STXBP5L: variants seen among roughly 807,000 people sequenced by gnomAD.
The protein encoded by STXBP5L is syntaxin binding protein 5L, also known as syntaxin-binding protein 5-like.
STXBP5L carries 65 observed loss-of-function variants against 144.5 expected under a neutral mutation model. That is an observed-to-expected ratio of 0.45 (90% CI 0.37 to 0.55). STXBP5L has a LOEUF of 0.55. STXBP5L is among the 20% of genes least tolerant of loss of function. The pLI is 0.00. For missense variants in STXBP5L, 1,298 were observed against 1,405.5 expected, an observed-to-expected ratio of 0.92 and a Z score of 1.22; for synonymous variants, 505 against 469.6, an observed-to-expected ratio of 1.08 and a Z score of -0.97.
In STXBP5L at chr3:121,018,615, C is replaced by A. The variant is rs143711830; in HGVS notation, c.288-23085C>A. On this transcript the variant is annotated intron_variant, in intron 3 of 26. Coordinates refer to ENST00000471454, the MANE Select transcript of STXBP5L (RefSeq NM_001308330.2). ...GGATCATAGGCTTAAATGTAAAACACAAAATTATAAAACTCTTAGAAGATA... is the reference window on the plus strand; with the variant it reads ...GGATCATAGGCTTAAATGTAAAACAAAAAATTATAAAACTCTTAGAAGATA... Among the ~76,000 whole-genome samples, 6 of 148,420 alleles carry A rather than the reference C, an allele frequency of 4.0e-5. No individual in the cohort carries two copies. The East Asian group carries it at 1.2e-3, about 29-fold the overall frequency.
intron 9 of STXBP5L, among the ~76,000 whole-genome samples, chr3:121,166,894 T>C (rs1249158432): frequency 1.3e-5 from 2 of 152,080 alleles, no homozygotes; most frequent in Non-Finnish European, 2.9e-5. Context: ...GATAAGGCAA[T>C]TGTGGAAATA....
intron 9 of STXBP5L, among the ~76,000 whole-genome samples, chr3:121,190,590 C>T (rs546998990): frequency 1.9e-3 from 291 of 152,314 alleles, no homozygotes; most frequent in Non-Finnish European, 3.2e-3. Flanking sequence ...GATGGGGTGG[C>T]GGCCGGGCAC....
At chr3:121,054,333 A>T (rs151051888) in intron 5 of STXBP5L, among the ~76,000 whole-genome samples, 1,698 of 152,236 alleles carry the variant, frequency 0.011, 48 homozygotes, top group South Asian at 0.07. Flanking sequence ...AAAGACTTGG[A>T]ACCAACCCAA....
chr3:121,258,983 A>T, intron 17 of STXBP5L, 60 bp from the exon 18 acceptor site: 1 of 1,455,742 alleles, frequency 6.9e-7, no homozygotes, highest in East Asian at 2.5e-5. Context: ...TAAATTCTCA[A>T]GATAAGTTTG....
chr3:121,067,252 T>G (rs2041593316), intron 5 of STXBP5L, among the ~76,000 whole-genome samples: 1 of 152,136 alleles, frequency 6.6e-6, no homozygotes, highest in Admixed American at 6.5e-5. Context: ...TTTCAATATT[T>G]TTTCTTCTTT....
At chr3:121,189,828 T>A (rs1232524129) in intron 9 of STXBP5L, among the ~76,000 whole-genome samples, 3 of 152,190 alleles carry the variant, frequency 2.0e-5, no homozygotes, top group African/African-American at 7.2e-5. Flanking sequence ...TGCGTGTGAA[T>A]AAAATGACCA....
chr3:121,253,957 A>G (rs1301861555), intron 15 of STXBP5L, among the ~76,000 whole-genome samples: 1 of 151,758 alleles, frequency 6.6e-6, no homozygotes, highest in Non-Finnish European at 1.5e-5. Flanking sequence ...CCGGCCGCAA[A>G]TTAATATTCT....
chr3:121,411,733 A>G lies in STXBP5L; in HGVS notation c.2949-1425A>G, dbSNP rs112410076. Among the ~76,000 whole-genome samples, 323 of 152,246 alleles carry G rather than the reference A, an allele frequency of 2.1e-3. 4 individuals carry two copies. The highest frequency in any genetic ancestry group is 3.4e-3 in the Middle Eastern group (1 of 294). On this transcript the variant is annotated intron_variant, in intron 23 of 26. Transcript: ENST00000471454. ...GTCATGCCTCCAGTGCAGTTGCCCT[A>G]AGTTATGGGTAATTTTCATTTCCTG... is the stretch of plus-strand genomic sequence containing the variant.
At chr3:121,320,739 T>C (rs1405022922) in intron 20 of STXBP5L, among the ~76,000 whole-genome samples, 2 of 150,144 alleles carry the variant, frequency 1.3e-5, no homozygotes, top group African/African-American at 4.9e-5. Flanking sequence ...TCTTGCTCTG[T>C]CACCCAGGCT....
chr3:120,939,485 A>T (rs1247390870), intron 2 of STXBP5L, among the ~76,000 whole-genome samples: 1 of 152,162 alleles, frequency 6.6e-6, no homozygotes, highest in Non-Finnish European at 1.5e-5. Context: ...CTGGAAATTG[A>T]AGAAGTCACC....
intron 3 of STXBP5L, among the ~76,000 whole-genome samples, chr3:120,983,410 G>A (rs1385510926): frequency 6.6e-6 from 1 of 152,060 alleles, no homozygotes; most frequent in East Asian, 1.9e-4. Context: ...TCTGTTTTTG[G>A]GGCCTTGTGA....
intron 21 of STXBP5L, among the ~76,000 whole-genome samples, chr3:121,379,559 C>A (rs1427434626): frequency 6.6e-6 from 1 of 152,084 alleles, no homozygotes; most frequent in Non-Finnish European, 1.5e-5. Flanking sequence ...TGAAGTAAGT[C>A]TCTATTTACT....
chr3:121,110,552 G>A (rs1213733382), intron 5 of STXBP5L, among the ~76,000 whole-genome samples: 3 of 152,056 alleles, frequency 2.0e-5, no homozygotes, highest in African/African-American at 7.2e-5. Context: ...TTAAATATTG[G>A]CCCCTGATCT....
chr3:120,985,439 A>T (rs982484302), intron 3 of STXBP5L, among the ~76,000 whole-genome samples: 1 of 152,076 alleles, frequency 6.6e-6, no homozygotes, highest in Non-Finnish European at 1.5e-5. Flanking sequence ...AGCATTTAAA[A>T]TGTGCTGTCT....
At chr3:121,287,877 A>G (rs1032866276) in intron 19 of STXBP5L, among the ~76,000 whole-genome samples, 8 of 152,170 alleles carry the variant, frequency 5.3e-5, no homozygotes, top group African/African-American at 1.9e-4. Flanking sequence ...CATTGCTAAG[A>G]AAAGTTAAGA....
intron 3 of STXBP5L, among the ~76,000 whole-genome samples, chr3:120,968,890 T>C (rs902804113): frequency 1.3e-5 from 2 of 152,170 alleles, no homozygotes; most frequent in South Asian, 2.1e-4. Flanking sequence ...CATTCCTTTT[T>C]ATGGCTGAGT....
At chr3:121,185,532 C>T (rs2047340799) in intron 9 of STXBP5L, among the ~76,000 whole-genome samples, 1 of 152,160 alleles carries the variant, frequency 6.6e-6, no homozygotes, top group Non-Finnish European at 1.5e-5. Flanking sequence ...CCAGTTTTGC[C>T]AGCACCATTT....
intron 3 of STXBP5L, among the ~76,000 whole-genome samples, chr3:121,020,088 C>T (rs1336304570): frequency 6.6e-6 from 1 of 152,090 alleles, no homozygotes; most frequent in Non-Finnish European, 1.5e-5. Context: ...AAAACAATCA[C>T]AACTTCTTGA....
intron 2 of STXBP5L, among the ~76,000 whole-genome samples, chr3:120,923,501 T>C (rs1342033630): frequency 1.3e-5 from 2 of 152,122 alleles, no homozygotes; most frequent in Non-Finnish European, 1.5e-5. Flanking sequence ...AGTACTGCTT[T>C]TGCTGTATCT....
Sources: allele counts gnomAD v4.1 joint callset (sites outside exome capture counted in the v4.1 genomes callset), GRCh38; gene constraint gnomAD v4.1.1; transcripts MANE v1.5; gene names NCBI Gene and HGNC (gene_info 2026-07-23, HGNC 2026-07-21).